The following SMC2 variants were observed in gnomAD, a reference collection of about 807,000 sequenced individuals.
The protein encoded by SMC2 is structural maintenance of chromosomes protein 2.
In SMC2, 41 loss-of-function variants were observed where a neutral mutation model predicts 142.6. The observed-to-expected ratio is 0.29, with a 90% CI of 0.22 to 0.37. The LOEUF is 0.37. Ranked by LOEUF, SMC2 falls within the 10% of genes least tolerant of loss-of-function variation. SMC2 has a pLI of 1.00. For synonymous variants in SMC2, 463 were observed against 457.5 expected (o/e 1.01, Z -0.15); for missense variants, 1,265 against 1,373.7 (o/e 0.92, Z 1.25).
Position 104,113,413 on chromosome 9 carries a change from T to C in SMC2, c.1352T>C (p.Leu451Pro). The C allele has an allele frequency of 6.2e-7, 1 of 1,609,800 alleles. No homozygotes were observed. Among genetic ancestry groups the C allele is most frequent in the Non-Finnish European group, 8.5e-7 (1 of 1,178,130 alleles). Reference sequence around the variant, plus strand: ...GGCTACAGGAAGGATCAAGAAGCTCTAGAAGCTGTAAAAAGACTTAAAGAA... The same window carrying C: ...GGCTACAGGAAGGATCAAGAAGCTCCAGAAGCTGTAAAAAGACTTAAAGAA... ...DSGYRKDQEA[L>P]EAVKRLKEKL... The change falls in exon 11 of 25, where the codon CTA becomes CCA. Residue 451 changes from leucine (L) to proline (P), a missense_variant. Around this residue, in one of 4 missense-constraint regions of SMC2, gnomAD observed 898 missense variants for 904.2 expected, o/e 0.99. Transcript: ENST00000374793.
At chr9:104,101,445 A>C (rs182233806) in intron 7 of SMC2, among the ~76,000 whole-genome samples, 132 of 152,304 alleles carry the variant, frequency 8.7e-4, no homozygotes, top group African/African-American at 3.0e-3. Context: ...ATTTTGCCAC[A>C]ATTGCTTTCT....
chr9:104,099,520 A>G, intron 4 of SMC2, 124 bp from the exon 5 acceptor site: 5 of 633,442 alleles, frequency 7.9e-6, no homozygotes, highest in African/African-American at 3.8e-5. Context: ...TTATAGAGGA[A>G]AGACCCCCCC....
chr9:104,116,420 C>A, intron 14 of SMC2, 101 bp downstream of exon 14: 3 of 1,134,552 alleles, frequency 2.6e-6, no homozygotes, highest in Non-Finnish European at 3.6e-6. Flanking sequence ...TGCAGAACCA[C>A]AAAATTAAAA....
chr9:104,129,586 T>G, intron 20 of SMC2, 59 bp from the exon 21 acceptor site: 1 of 1,285,930 alleles, frequency 7.8e-7, no homozygotes, highest in African/African-American at 1.5e-5. Flanking sequence ...AGAAACTGGC[T>G]TATACATATT....
At position 104,135,382 on chromosome 9, in the gene SMC2, T is replaced by C. The variant is rs561783302; in HGVS notation, c.3269+807T>C. Reference sequence around the variant, plus strand: ...AGAAAAATCAGTAAATTTGAAGACATAGCAATAGAACAGAATCTGTTCAAG... The same window carrying C: ...AGAAAAATCAGTAAATTTGAAGACACAGCAATAGAACAGAATCTGTTCAAG... On this transcript the variant is annotated intron_variant, in intron 23 of 24. Transcript: ENST00000374793. Among the ~76,000 whole-genome samples the C allele has an allele frequency of 1.8e-3, 267 of 152,244 alleles. 1 individual carries two copies. Among genetic ancestry groups the C allele is most frequent in the African/African-American group, 5.9e-3 (247 of 41,552 alleles).
At chr9:104,134,597 T>TTATAAATAC in intron 23 of SMC2, 22 bp downstream of exon 23, 1 of 1,474,980 alleles carries the variant, frequency 6.8e-7, no homozygotes, top group Non-Finnish European at 9.2e-7. Context: ...CTTTGCTATA[T>TTATAAATAC]TATAATTTTC....
chr9:104,138,187 C>G (rs370483589), intron 24 of SMC2, 22 bp downstream of exon 24: 1 of 1,566,386 alleles, frequency 6.4e-7, no homozygotes, highest in African/African-American at 1.4e-5. Flanking sequence ...GAAAAAAAGT[C>G]TCAGTAATAG....
At chr9:104,113,278 T>C (rs767672673) in intron 10 of SMC2, 38 bp from the exon 11 acceptor site, 1 of 1,537,040 alleles carries the variant, frequency 6.5e-7, no homozygotes, top group Admixed American at 2.0e-5. Context: ...ACTGTCTGCC[T>C]CATACATCCT....
intron 7 of SMC2, among the ~76,000 whole-genome samples, chr9:104,101,751 G>A (rs1587899783): frequency 6.6e-6 from 1 of 152,138 alleles, no homozygotes. Context: ...AGAAGAAATA[G>A]CCAAATAAGA....
chr9:104,134,518 A>T lies in SMC2; in HGVS notation c.3212A>T (p.Lys1071Met), dbSNP rs61741732. 6.2e-7 allele frequency: 1 copy of T among 1,612,318 alleles called. No individual in the cohort carries two copies. The highest frequency in any genetic ancestry group is 8.5e-7 in the Non-Finnish European group (1 of 1,179,010). ...ACTGTTTTGGATGGTCTGGAGTTCA[A>T]GGTTGCCTTGGGAAATACCTGGAAA... ...GQTVLDGLEF[K>M]VALGNTWKEN... The change falls in exon 23 of 25, where the codon AAG becomes ATG. Residue 1071 changes from lysine to methionine, a missense_variant. Physicochemically the swap from Lys to Met is moderately conservative, Grantham distance 95. This residue lies in a region of SMC2 where 192 missense variants were observed against 261.9 expected (regional missense o/e 0.73). Coordinates refer to ENST00000374793, the MANE Select transcript of SMC2 (RefSeq NM_006444.3).
At chr9:104,093,963 G>C (rs569086867), upstream of SMC2, among the ~76,000 whole-genome samples, 3 of 152,332 alleles carry the variant, frequency 2.0e-5, no homozygotes, top group South Asian at 2.1e-4. Context: ...GTAAGCCACA[G>C]CCAGCACCGC....
chr9:104,137,496 T>G (rs991355687), intron 23 of SMC2, among the ~76,000 whole-genome samples: 45 of 152,158 alleles, frequency 3.0e-4, no homozygotes, highest in Non-Finnish European at 2.5e-4. Flanking sequence ...GGCCATAGTC[T>G]ATACAACTTA....
chr9:104,100,514 T>C, intron 7 of SMC2, 81 bp downstream of exon 7: 1 of 903,840 alleles, frequency 1.1e-6, no homozygotes, highest in Non-Finnish European at 1.7e-6. Context: ...CACATAGTGA[T>C]ACTATTTCTT....
chr9:104,128,322 C>T (rs1206745919), intron 20 of SMC2, among the ~76,000 whole-genome samples: 1 of 152,130 alleles, frequency 6.6e-6, no homozygotes, highest in Non-Finnish European at 1.5e-5. Flanking sequence ...CTATTGATTT[C>T]CCATTAGCTT....
chr9:104,113,394 A>C lies in SMC2; in HGVS notation c.1333A>C (p.Arg445=), dbSNP rs1347784275. Reference sequence around the variant, plus strand: ...AGTTAAGAAGATGGATAGTGGCTACAGGAAGGATCAAGAAGCTCTAGAAGC... The same window carrying C: ...AGTTAAGAAGATGGATAGTGGCTACCGGAAGGATCAAGAAGCTCTAGAAGC... ...AEVKKMDSGY[R]KDQEALEAVK... is the part of the protein sequence containing the mutation. The change falls in exon 11 of 25, where the codon AGG becomes CGG. Residue 445 remains arginine, a synonymous_variant. Transcript: ENST00000374793. The C allele has an allele frequency of 1.1e-5, 18 of 1,612,336 alleles. No homozygotes were observed. The highest frequency in any genetic ancestry group is 8.5e-7 in the Non-Finnish European group (1 of 1,179,052).
At chr9:104,101,057 C>T (rs62583475) in intron 7 of SMC2, among the ~76,000 whole-genome samples, 25,456 of 152,082 alleles carry the variant, frequency 0.17, 2,495 homozygotes, top group Middle Eastern at 0.23. Flanking sequence ...CCCACCTTAG[C>T]CTTCTGAGTA....
chr9:104,100,484 G>T (rs752961120), intron 7 of SMC2, 51 bp downstream of exon 7: 2 of 1,178,404 alleles, frequency 1.7e-6, no homozygotes, highest in East Asian at 4.8e-5. Flanking sequence ...TTCAAAGTCA[G>T]CAATGTATCC....
chr9:104,112,138 ATTTTTAT>A, intron 10 of SMC2, among the ~76,000 whole-genome samples: 1 of 152,114 alleles, frequency 6.6e-6, no homozygotes, highest in East Asian at 1.9e-4. Context: ...CTTTTTGGCT[ATTTTTAT>A]TTTTTATTGA....
At position 104,103,896 on chromosome 9, in the gene SMC2, A is replaced by G. The variant is rs561804451; in HGVS notation, c.1020+1323A>G. Among the ~76,000 whole-genome samples the G allele has an allele frequency of 2.0e-5, 3 of 152,294 alleles. No individual in the cohort carries two copies. The East Asian group carries it at 5.8e-4, about 29-fold the overall frequency. The stretch of plus-strand genomic sequence containing the variant: ...GCAGTCTGTGTTGTGGCATCCAAGA[A>G]CTGAAATCAATTCATCAATTACTTT... On this transcript the variant is annotated intron_variant, in intron 9 of 24. Coordinates refer to ENST00000374793, the MANE Select transcript of SMC2 (RefSeq NM_006444.3).
Sources: gnomAD v4.1 joint callset for allele counts (sites outside exome capture counted in the v4.1 genomes callset) on GRCh38, gnomAD v4.1.1 for gene constraint, gnomAD v4.1.1 regional missense constraint, MANE v1.5 for transcripts, NCBI Gene and HGNC (gene_info 2026-07-23, HGNC 2026-07-21) for gene names.